Variants in TRMT11 observed in about 807,000 individuals in gnomAD.
TRMT11 encodes tRNA methyltransferase 11, also known as tRNA (guanine(10)-N(2))-methyltransferase TRMT11.
A neutral mutation model predicts 62.8 loss-of-function variants in TRMT11; 53 were observed. That is an observed-to-expected ratio of 0.84 (90% CI 0.68 to 1.06). TRMT11 has a LOEUF of 1.06. TRMT11 is among the 50% of genes least tolerant of loss of function. The pLI is 0.00. For missense variants in TRMT11, 556 were observed against 553.4 expected, an observed-to-expected ratio of 1.00 and a Z score of -0.05; for synonymous variants, 188 against 190.3, an observed-to-expected ratio of 0.99 and a Z score of 0.10.
intron 1 of TRMT11, among the ~76,000 whole-genome samples, chr6:126,194,009 A>C (rs927287446): frequency 1.3e-5 from 2 of 152,040 alleles, no homozygotes; most frequent in Non-Finnish European, 2.9e-5. Context: ...TTTTAGTTTT[A>C]TTCTTTTGTG....
chr6:125,990,185 A>C (rs1050190735), intron 1 of TRMT11, among the ~76,000 whole-genome samples: 8 of 152,282 alleles, frequency 5.3e-5, no homozygotes, highest in South Asian at 2.1e-4. Flanking sequence ...TGTTTCATAT[A>C]GTGGGCTATT....
At chr6:126,042,814 G>C (rs760608721), downstream of TRMT11, among the ~76,000 whole-genome samples, 34 of 152,284 alleles carry the variant, frequency 2.2e-4, no homozygotes, top group Non-Finnish European at 1.5e-4. Flanking sequence ...AATTGAAAAT[G>C]TAAATGGTAC....
chr6:126,216,453 A>C, the TRMT11 span, among the ~76,000 whole-genome samples: 1 of 151,928 alleles, frequency 6.6e-6, no homozygotes, highest in East Asian at 1.9e-4. Flanking sequence ...TTTTCTTCTT[A>C]ATTTCTTCAT....
intron 17 of TRMT11, among the ~76,000 whole-genome samples, chr6:126,081,530 A>G (rs1027262488): frequency 1.3e-5 from 2 of 152,150 alleles, no homozygotes; most frequent in Non-Finnish European, 2.9e-5. Context: ...AAACCCTACA[A>G]AAATTCAGGG....
At chr6:126,159,484 G>A (rs545312817) in intron 21 of TRMT11, among the ~76,000 whole-genome samples, 1 of 152,276 alleles carries the variant, frequency 6.6e-6, no homozygotes, top group South Asian at 2.1e-4. Context: ...GGATAGCAGA[G>A]CCACAAGACA....
At chr6:126,142,522 G>T (rs1038544823) in intron 21 of TRMT11, among the ~76,000 whole-genome samples, 1 of 152,028 alleles carries the variant, frequency 6.6e-6, no homozygotes, top group Non-Finnish European at 1.5e-5. Context: ...GAAAGAACAT[G>T]AATTTATAGT....
the TRMT11 span, among the ~76,000 whole-genome samples, chr6:126,244,780 A>C: frequency 6.6e-6 from 1 of 152,188 alleles, no homozygotes; most frequent in Non-Finnish European, 1.5e-5. Flanking sequence ...GTGACACGCA[A>C]GGTGCAATTT....
intron 16 of TRMT11, among the ~76,000 whole-genome samples, chr6:126,051,180 G>C (rs1776207895): frequency 6.6e-6 from 1 of 152,186 alleles, no homozygotes; most frequent in Admixed American, 6.5e-5. Flanking sequence ...ACAGTTTAAT[G>C]AATAATTACA....
At chr6:126,256,186 TATG>T in the TRMT11 span, among the ~76,000 whole-genome samples, 1 of 152,240 alleles carries the variant, frequency 6.6e-6, no homozygotes, top group Admixed American at 6.5e-5. Context: ...GTCTTTAAGA[TATG>T]ATGACTGTGT....
intron 16 of TRMT11, among the ~76,000 whole-genome samples, chr6:126,045,739 A>G (rs894829519): frequency 6.6e-6 from 1 of 152,084 alleles, no homozygotes; most frequent in Admixed American, 6.5e-5. Flanking sequence ...TTCTTAGACA[A>G]TAGGTGAATC....
At chr6:126,089,824 T>C (rs1036682936) in intron 17 of TRMT11, among the ~76,000 whole-genome samples, 1 of 152,228 alleles carries the variant, frequency 6.6e-6, no homozygotes, top group Non-Finnish European at 1.5e-5. Flanking sequence ...TCACAGAAAA[T>C]TCATGGGATT....
At chr6:126,201,301 A>G in intron 3 of TRMT11, among the ~76,000 whole-genome samples, 1 of 152,246 alleles carries the variant, frequency 6.6e-6, no homozygotes, top group Non-Finnish European at 1.5e-5. Context: ...ATAGAAAAAA[A>G]ATTGACACAG....
At chr6:126,077,740 GTC>G (rs1057241237) in intron 17 of TRMT11, among the ~76,000 whole-genome samples, 3 of 152,172 alleles carry the variant, frequency 2.0e-5, no homozygotes, top group Non-Finnish European at 4.4e-5. Flanking sequence ...AGCATATCAA[GTC>G]TCTACCTTTT....
chr6:126,173,670 T>C (rs987050931), upstream of TRMT11, among the ~76,000 whole-genome samples: 1 of 152,186 alleles, frequency 6.6e-6, no homozygotes, highest in African/African-American at 2.4e-5. Flanking sequence ...AATACAAGAC[T>C]GGTGTTAGCG....
At chr6:126,101,852 T>G (rs368145239) in intron 17 of TRMT11, among the ~76,000 whole-genome samples, 3 of 152,218 alleles carry the variant, frequency 2.0e-5, no homozygotes, top group Admixed American at 1.3e-4. Context: ...CAATTGTCTG[T>G]GTGAAAACAC....
At chr6:126,058,690 GAAGAA>G (rs932744329) in intron 17 of TRMT11, among the ~76,000 whole-genome samples, 1 of 152,058 alleles carries the variant, frequency 6.6e-6, no homozygotes, top group Non-Finnish European at 1.5e-5. Flanking sequence ...AGACTAATAA[GAAGAA>G]AAGAGAGAAG....
chr6:126,151,279 A>T (rs184146743), intron 21 of TRMT11, among the ~76,000 whole-genome samples: 67 of 152,278 alleles, frequency 4.4e-4, no homozygotes, highest in African/African-American at 1.5e-3. Context: ...TCATATTTTA[A>T]TTTATGAGCT....
chr6:126,179,628 C>T (rs2128240273), intron 1 of TRMT11, among the ~76,000 whole-genome samples: 1 of 152,104 alleles, frequency 6.6e-6, no homozygotes, highest in East Asian at 1.9e-4. Context: ...GCATTTCTAC[C>T]AAATAATATT....
intron 17 of TRMT11, among the ~76,000 whole-genome samples, chr6:126,103,555 A>G (rs1224659741): frequency 1.3e-5 from 2 of 152,194 alleles, no homozygotes; most frequent in East Asian, 3.9e-4. Context: ...TGGAGGCTCA[A>G]GTGGAGATGG....
Sources: allele counts gnomAD v4.1 joint callset (sites outside exome capture counted in the v4.1 genomes callset), GRCh38; gene constraint gnomAD v4.1.1; transcripts MANE v1.5; gene names NCBI Gene and HGNC (gene_info 2026-07-23, HGNC 2026-07-21).